VWA8: variants seen among roughly 807,000 people sequenced by gnomAD.
The protein encoded by VWA8 is von Willebrand factor A domain containing 8.
Under a neutral mutation model 241.5 loss-of-function variants are expected in VWA8, and 221 were observed. That is an observed-to-expected ratio of 0.91 (90% CI 0.82 to 1.02). VWA8 has a LOEUF of 1.02. Ranked by LOEUF, VWA8 falls within the 50% of genes least tolerant of loss-of-function variation. The pLI is 0.00. For missense variants in VWA8, 2,322 were observed against 2,328.7 expected (o/e 1.00, Z 0.06); for synonymous variants, 852 against 827.1 (o/e 1.03, Z -0.52).
At chr13:41,780,519 A>G (rs989936665) in intron 19 of VWA8, among the ~76,000 whole-genome samples, 2 of 152,084 alleles carry the variant, frequency 1.3e-5, no homozygotes, top group African/African-American at 4.8e-5. Context: ...ATCAACATCC[A>G]ACTAAACAGC....
intron 9 of VWA8, among the ~76,000 whole-genome samples, chr13:41,874,334 G>A (rs1013696644): frequency 3.2e-4 from 49 of 151,542 alleles, no homozygotes; most frequent in Admixed American, 2.0e-3. Flanking sequence ...GTTCTGGCCA[G>A]GGCAATTAGG....
chr13:41,811,531 T>G (rs1870472620), intron 16 of VWA8, among the ~76,000 whole-genome samples, 191 bp from the exon 17 acceptor site: 1 of 152,186 alleles, frequency 6.6e-6, no homozygotes, highest in South Asian at 2.1e-4. Flanking sequence ...AAGATAGTTT[T>G]TAAAAAATCT....
Position 41,690,234 on chromosome 13 carries a change from C to A in VWA8, c.3908G>T (p.Gly1303Val), listed in dbSNP as rs747522026. ...CACATACAACTGGCAAACCCCACTA[C>A]CCTCAGATTCGATGTGTGCAGGCTT... ...LTKPAHIESE[G>V]SGVCQLYVLK... Residue 1303 changes from glycine (G) to valine (V), a missense_variant, in exon 33 of 45, where the codon GGT becomes GTT. By Grantham distance (109) the Gly-to-Val change is moderately radical. Transcript: ENST00000379310. The A allele has an allele frequency of 1.1e-5, 18 of 1,612,604 alleles. No homozygotes were observed. In the African/African-American group the frequency reaches 1.2e-4, roughly 11 times the overall value.
intron 40 of VWA8, among the ~76,000 whole-genome samples, chr13:41,598,592 T>C (rs1348853968): frequency 6.6e-6 from 1 of 152,006 alleles, no homozygotes; most frequent in Non-Finnish European, 1.5e-5. Context: ...TTCAAAGTTA[T>C]CTTTTAAAAG....
intron 40 of VWA8, among the ~76,000 whole-genome samples, chr13:41,598,851 A>G (rs1481534083): frequency 6.6e-6 from 1 of 151,198 alleles, no homozygotes; most frequent in Non-Finnish European, 1.5e-5. Flanking sequence ...AATTTTTGAA[A>G]TGTTAAAATT....
chr13:41,833,783 T>C (rs1001287980), intron 12 of VWA8, among the ~76,000 whole-genome samples: 4 of 152,166 alleles, frequency 2.6e-5, no homozygotes, highest in African/African-American at 9.7e-5. Context: ...CTACTTTATA[T>C]TTAGCATTTT....
rs756716149 is a variant in VWA8 at position 41,947,710 on chromosome 13, G to A, written c.241+2226C>T. Among the ~76,000 whole-genome samples, 8 of 152,090 alleles carry A rather than the reference G, an allele frequency of 5.3e-5. No homozygotes were observed. The East Asian group carries it at 5.8e-4, about 11-fold the overall frequency. On this transcript the variant is annotated intron_variant, in intron 2 of 44. Transcript: ENST00000379310. ...AGCACTTTGGGAGGCTGAGGTGGGC[G>A]GATCACATGAGGACAGGAGTTTGAG...
At chr13:41,878,791 T>G (rs1276863676) in intron 9 of VWA8, among the ~76,000 whole-genome samples, 17 of 152,168 alleles carry the variant, frequency 1.1e-4, no homozygotes, top group Admixed American at 9.8e-4. Flanking sequence ...ACTAGCTACT[T>G]TATTAAGAAA....
intron 20 of VWA8, 61 bp downstream of exon 20, chr13:41,777,924 A>G: frequency 7.2e-7 from 1 of 1,388,728 alleles, no homozygotes; most frequent in East Asian, 2.4e-5. Flanking sequence ...GAAGAAACTT[A>G]CTGCTTTTAA....
intron 35 of VWA8, among the ~76,000 whole-genome samples, chr13:41,681,225 A>AC (rs993229178): frequency 5.9e-5 from 9 of 151,740 alleles, no homozygotes; most frequent in Non-Finnish European, 1.2e-4. Flanking sequence ...CCATCCACTG[A>AC]CCCCCACCCT....
chr13:41,896,820 A>G (rs1390592135), intron 4 of VWA8, among the ~76,000 whole-genome samples: 1 of 152,202 alleles, frequency 6.6e-6, no homozygotes, highest in African/African-American at 2.4e-5. Flanking sequence ...GTGCAAAATG[A>G]TAAGCTTATG....
chr13:41,804,318 C>T (rs1361001359), intron 17 of VWA8, among the ~76,000 whole-genome samples: 2 of 152,070 alleles, frequency 1.3e-5, no homozygotes, highest in African/African-American at 4.8e-5. Context: ...CAGCTGACTT[C>T]TGAGTGGAAA....
intron 21 of VWA8, among the ~76,000 whole-genome samples, chr13:41,758,432 G>A (rs1309669079): frequency 5.3e-4 from 25 of 46,954 alleles, no homozygotes; most frequent in Non-Finnish European, 8.7e-4. Context: ...ATATATATAC[G>A]CTAGTATATA....
chr13:41,929,738 A>G (rs1593877736), intron 2 of VWA8, among the ~76,000 whole-genome samples: 1 of 152,314 alleles, frequency 6.6e-6, no homozygotes, highest in Middle Eastern at 3.4e-3. Context: ...CCTTTAACCT[A>G]TACCATATAC....
At chr13:41,779,601 A>C (rs1247407177) in intron 19 of VWA8, among the ~76,000 whole-genome samples, 1 of 152,178 alleles carries the variant, frequency 6.6e-6, no homozygotes. Flanking sequence ...ATGTTAAGCA[A>C]ACCAAGATAT....
intron 23 of VWA8, among the ~76,000 whole-genome samples, chr13:41,728,195 A>G (rs2045452363): frequency 6.6e-6 from 1 of 152,052 alleles, no homozygotes; most frequent in Non-Finnish European, 1.5e-5. Flanking sequence ...GCATGTACAT[A>G]TTCATGTACA....
chr13:41,655,910 T>C (rs2044901580), intron 37 of VWA8, among the ~76,000 whole-genome samples: 1 of 152,202 alleles, frequency 6.6e-6, no homozygotes, highest in Non-Finnish European at 1.5e-5. Context: ...CTGTTTTATC[T>C]TGAAAGCAGT....
At chr13:41,955,170 A>C (rs1878298331) in intron 1 of VWA8, among the ~76,000 whole-genome samples, 1 of 151,810 alleles carries the variant, frequency 6.6e-6, no homozygotes, top group Non-Finnish European at 1.5e-5. Flanking sequence ...AGCCATCTAT[A>C]ATGATTTAAG....
At chr13:41,719,370 A>C in intron 26 of VWA8, 1 of 1,368,476 alleles carries the variant, frequency 7.3e-7, no homozygotes, top group African/African-American at 1.5e-5. Flanking sequence ...TATTTATTAC[A>C]TCTACTCATG....
Sources: allele counts gnomAD v4.1 joint callset (sites outside exome capture counted in the v4.1 genomes callset), GRCh38; gene constraint gnomAD v4.1.1; transcripts MANE v1.5; gene names NCBI Gene and HGNC (gene_info 2026-07-23, HGNC 2026-07-21).